TSPEAR: variants seen among roughly 807,000 people sequenced by gnomAD.
TSPEAR encodes the protein thrombospondin-type laminin G domain and EAR repeat-containing protein.
TSPEAR carries 69 observed loss-of-function variants against 71.6 expected under a neutral mutation model. That is an observed-to-expected ratio of 0.96 (90% confidence interval 0.79 to 1.18). The LOEUF (loss-of-function observed/expected upper bound fraction) is 1.18, where lower values mean the gene tolerates loss of function less well. Among genes scored for constraint, TSPEAR ranks in the 50% most tolerant of loss-of-function variants. The pLI is 0.00. For synonymous variants in TSPEAR, 402 were observed against 387.2 expected (o/e 1.04, Z -0.45); for missense variants, 971 against 894.9 (o/e 1.09, Z -1.09).
chr21:44,591,638 A>G, intron 1 of TSPEAR: 1 of 1,613,836 alleles, frequency 6.2e-7, no homozygotes, highest in Non-Finnish European at 8.5e-7. Context: ...GACTGCTGGC[A>G]GCATGATGTG....
intron 1 of TSPEAR, chr21:44,681,645 C>G: frequency 1.3e-6 from 1 of 751,754 alleles, no homozygotes; most frequent in Non-Finnish European, 2.1e-6. Flanking sequence ...CCAGACTTCC[C>G]TGGGGGGATA....
rs2838629 is a variant in TSPEAR at position 44,678,005 on chromosome 21, A to T, written c.82+33428T>A. On this transcript the variant is annotated intron_variant, in intron 1 of 11. Transcript: ENST00000323084. ...GAAGTAGAGTATCGGCGGCATGGTC[A>T]CAGTGGACGGAGGACTAACTTCCCA... 11 of 939,554 alleles carry T rather than the reference A, an allele frequency of 1.2e-5. 1 individual carries two copies. The highest frequency in any genetic ancestry group is 5.4e-5 in the South Asian group (4 of 73,814). 58.2% of individuals were successfully genotyped at this position (939,554 alleles called of 1,614,324 possible). A position where few individuals can be genotyped will look rare whatever the true frequency, so the allele number is the denominator to read the frequency against.
intron 1 of TSPEAR, among the ~76,000 whole-genome samples, chr21:44,613,339 G>C (rs1555931735): frequency 6.6e-6 from 1 of 152,160 alleles, no homozygotes; most frequent in Non-Finnish European, 1.5e-5. Context: ...TCCTCCAGGG[G>C]GTCACCAGGT....
chr21:44,640,290 G>A (rs782317307), intron 1 of TSPEAR, among the ~76,000 whole-genome samples: 3 of 152,224 alleles, frequency 2.0e-5, no homozygotes, highest in Non-Finnish European at 2.9e-5. Flanking sequence ...GATGCTCAGC[G>A]AGTGGCCACA....
chr21:44,522,977 TGTCA>T (rs1442600073), intron 8 of TSPEAR, among the ~76,000 whole-genome samples: 33 of 152,290 alleles, frequency 2.2e-4, no homozygotes, highest in East Asian at 1.5e-3. Flanking sequence ...GTCAGTCAGT[TGTCA>T]GTCAGTCAGA....
At position 44,623,164 on chromosome 21, in the gene TSPEAR, T is replaced by C. The variant is rs1982558459; in HGVS notation, c.83-55159A>G. On this transcript the variant is annotated intron_variant, in intron 1 of 11. Transcript: ENST00000323084. The surrounding 1 kb of genome is among the most constrained non-coding windows in gnomAD (Gnocchi z 4.5). ...AAATTACCCAGTCTCAAATATTTCTTTATAGCAATGCGAGACCAGCTTAAC... is the reference window on the plus strand; with the variant it reads ...AAATTACCCAGTCTCAAATATTTCTCTATAGCAATGCGAGACCAGCTTAAC... Among the ~76,000 whole-genome samples the C allele has an allele frequency of 6.6e-6, 1 of 152,164 alleles. No individual in the cohort carries two copies. The highest frequency in any genetic ancestry group is 6.5e-5 in the Admixed American group (1 of 15,282).
At chr21:44,537,908 C>T (rs112505661) in intron 2 of TSPEAR, among the ~76,000 whole-genome samples, 18 of 152,312 alleles carry the variant, frequency 1.2e-4, no homozygotes, top group South Asian at 1.0e-3. Flanking sequence ...TCCCAGCAGC[C>T]GTCAGTGCGG....
Position 44,518,957 on chromosome 21 carries a change from T to C in TSPEAR, c.1566+2926A>G, listed in dbSNP as rs587623594. ...CGGGAACTGCTGTCGGCCGGATTGC[T>C]GTGCTCTGCAGCTGTGCCCAAGTCC... On this transcript the variant is annotated intron_variant, in intron 9 of 11. Coordinates refer to ENST00000323084, the MANE Select transcript of TSPEAR (RefSeq NM_144991.3). The C allele has an allele frequency of 1.9e-4, 48 of 256,604 alleles. No individual in the cohort carries two copies. The South Asian group carries it at 1.9e-3, about 10-fold the overall frequency. The allele number at this position is 256,604 out of a possible 1,614,324, so 15.9% of individuals were successfully genotyped here. A position where few individuals can be genotyped will look rare whatever the true frequency, so the allele number is the denominator to read the frequency against.
At chr21:44,556,042 C>A (rs1345688580) in intron 2 of TSPEAR, among the ~76,000 whole-genome samples, 6 of 152,168 alleles carry the variant, frequency 3.9e-5, no homozygotes, top group Non-Finnish European at 7.3e-5. Flanking sequence ...TCCTTGTGAA[C>A]AACAGGGGAA....
chr21:44,681,580 A>G (rs1986590943), intron 1 of TSPEAR: 1 of 483,580 alleles, frequency 2.1e-6, no homozygotes, highest in East Asian at 3.1e-5. Context: ...GCAGAGTTGC[A>G]TGGGGAAAGC....
At chr21:44,671,982 A>C (rs1373288657) in intron 1 of TSPEAR, among the ~76,000 whole-genome samples, 3 of 152,188 alleles carry the variant, frequency 2.0e-5, no homozygotes, top group African/African-American at 7.2e-5. Flanking sequence ...TGAATGAGAA[A>C]ATCACCAAAG....
At chr21:44,616,057 G>C (rs233262) in intron 1 of TSPEAR, among the ~76,000 whole-genome samples, 142,463 of 152,292 alleles carry the variant, frequency 0.94, 66,698 homozygotes, top group Middle Eastern at 0.95. Flanking sequence ...CACCCCATCG[G>C]CACAGACAGA....
chr21:44,623,305 G>A lies in TSPEAR; in HGVS notation c.83-55300C>T, dbSNP rs1265767799. Among the ~76,000 whole-genome samples, 3 of 152,154 alleles carry A rather than the reference G, an allele frequency of 2.0e-5. No homozygotes were observed. The highest frequency in any genetic ancestry group is 6.5e-5 in the Admixed American group (1 of 15,280). ...ATTACTCTAGTGGAGATTACAACAT[G>A]AATCTATGACTTTTTAAAGTCTAAT... is the stretch of plus-strand genomic sequence containing the variant. On this transcript the variant is annotated intron_variant, in intron 1 of 11. Coordinates refer to ENST00000323084, the MANE Select transcript of TSPEAR (RefSeq NM_144991.3). This position sits in a 1 kb window ranked among gnomAD's most constrained non-coding sequence, Gnocchi z 4.5.
intron 1 of TSPEAR, among the ~76,000 whole-genome samples, chr21:44,599,172 C>CTCTCTCTCTCTCTCTCTCTCTCTCTCTCT (rs1372930980): frequency 2.2e-4 from 32 of 146,046 alleles, no homozygotes; most frequent in East Asian, 6.0e-4. Context: ...CTCTCTCTCT[C>CTCTCTCTCTCTCTCTCTCTCTCTCTCTCT]CTTCCATCCC....
In TSPEAR at chr21:44,506,398, C is replaced by T. The variant is rs781984834; in HGVS notation, c.1755-1517G>A. Among the ~76,000 whole-genome samples the T allele has an allele frequency of 6.6e-6, 1 of 152,266 alleles. No individual in the cohort carries two copies. Among genetic ancestry groups the T allele is most frequent in the East Asian group, 1.9e-4 (1 of 5,204 alleles). On this transcript the variant is annotated intron_variant, in intron 10 of 11. Coordinates refer to ENST00000323084, the MANE Select transcript of TSPEAR (RefSeq NM_144991.3). The surrounding 1 kb of genome is among the most constrained non-coding windows in gnomAD (Gnocchi z 4.2). Reference sequence around the variant, plus strand: ...GGCGGGTGCCTCTGTATTCAGCAGCCTCAGGGCTGTGGCCAGTTCAGGCAG... The same window carrying T: ...GGCGGGTGCCTCTGTATTCAGCAGCTTCAGGGCTGTGGCCAGTTCAGGCAG...
Position 44,710,959 on chromosome 21 carries a change from C to T in TSPEAR, c.82+474G>A, listed in dbSNP as rs2146346730. ...TTTGGGGCTGTGTCTGTGTCTCCAG[C>T]TTTTTGCTCATGTGGGGAAGGAGCA... On this transcript the variant is annotated intron_variant, in intron 1 of 11. Transcript: ENST00000323084. The surrounding 1 kb of genome is among the most constrained non-coding windows in gnomAD (Gnocchi z 4.6). 6.6e-6 allele frequency among the ~76,000 whole-genome samples: 1 copy of T among 152,352 alleles called. No individual in the cohort carries two copies. The highest frequency in any genetic ancestry group is 1.9e-4 in the East Asian group (1 of 5,174).
chr21:44,558,773 G>T, intron 2 of TSPEAR: 1 of 1,546,976 alleles, frequency 6.5e-7, no homozygotes, highest in Non-Finnish European at 8.7e-7. Context: ...GTGGGAGTGA[G>T]TGAGGGAGTG....
chr21:44,518,041 C>G (rs587606966), intron 9 of TSPEAR, among the ~76,000 whole-genome samples: 1 of 152,168 alleles, frequency 6.6e-6, no homozygotes, highest in Non-Finnish European at 1.5e-5. Context: ...ATACTCTTAA[C>G]TTTATATTTC....
At chr21:44,534,678 A>G (rs1238019349) in intron 2 of TSPEAR, among the ~76,000 whole-genome samples, 1 of 152,150 alleles carries the variant, frequency 6.6e-6, no homozygotes, top group East Asian at 1.9e-4. Context: ...ACTCTTGCGC[A>G]CTGTTGGTGG....
Sources: gnomAD v4.1 joint callset for allele counts (sites outside exome capture counted in the v4.1 genomes callset) on GRCh38, gnomAD v4.1.1 for gene constraint, Gnocchi (gnomAD v3.1) non-coding constraint, MANE v1.5 for transcripts, NCBI Gene and HGNC (gene_info 2026-07-23, HGNC 2026-07-21) for gene names.